The following TPTE2 variants were observed in gnomAD, a reference collection of about 807,000 sequenced individuals.
TPTE2 encodes the protein phosphatidylinositol 3,4,5-trisphosphate 3-phosphatase TPTE2.
A neutral mutation model predicts 78.6 loss-of-function variants in TPTE2; 53 were observed. The observed-to-expected ratio is 0.67, with a 90% CI of 0.54 to 0.85. The LOEUF (loss-of-function observed/expected upper bound fraction) is 0.85. TPTE2 is among the 40% of genes least tolerant of loss of function. TPTE2 has a pLI of 0.00. For missense variants in TPTE2, 461 were observed against 623.0 expected (o/e 0.74, Z 2.77); for synonymous variants, 175 against 206.2 (o/e 0.85, Z 1.30).
intron 15 of TPTE2, among the ~76,000 whole-genome samples, chr13:19,434,631 A>C (rs1261846737): frequency 1.3e-5 from 2 of 152,072 alleles, no homozygotes; most frequent in African/African-American, 4.8e-5. Context: ...GTGGGAGAAA[A>C]GTAGCAGTGG....
chr13:19,480,838 T>G (rs1880304168), intron 4 of TPTE2, among the ~76,000 whole-genome samples: 1 of 152,176 alleles, frequency 6.6e-6, no homozygotes, highest in Non-Finnish European at 1.5e-5. Context: ...GAATTTCCAC[T>G]TCTGAGAATT....
At chr13:19,461,096 T>C (rs1383143032) in intron 10 of TPTE2, among the ~76,000 whole-genome samples, 1 of 152,098 alleles carries the variant, frequency 6.6e-6, no homozygotes, top group East Asian at 1.9e-4. Flanking sequence ...AGAAGTAATA[T>C]ATAATTTTGA....
intron 13 of TPTE2, among the ~76,000 whole-genome samples, chr13:19,439,196 C>T (rs1877325987): frequency 6.6e-6 from 1 of 152,140 alleles, no homozygotes; most frequent in Non-Finnish European, 1.5e-5. Context: ...TTGCCTGGGG[C>T]AGCAGAGAGC....
intron 1 of TPTE2, among the ~76,000 whole-genome samples, chr13:19,515,848 T>C (rs1869759050): frequency 6.6e-6 from 1 of 152,196 alleles, no homozygotes; most frequent in Non-Finnish European, 1.5e-5. Flanking sequence ...CTGGAAGACA[T>C]TCAAATTACT....
intron 1 of TPTE2, among the ~76,000 whole-genome samples, chr13:19,502,178 G>T: frequency 1.0e-5 from 1 of 99,018 alleles, no homozygotes; most frequent in Non-Finnish European, 2.0e-5. Context: ...GGAGAAATAG[G>T]AACACTTTTA....
At chr13:19,506,516 T>C (rs919881495), upstream of TPTE2, among the ~76,000 whole-genome samples, 6 of 152,182 alleles carry the variant, frequency 3.9e-5, no homozygotes, top group African/African-American at 7.2e-5. Context: ...GGCTCTCTCA[T>C]AGGTTACTAC....
chr13:19,445,195 C>T (rs1467188645), intron 13 of TPTE2, among the ~76,000 whole-genome samples: 2 of 152,082 alleles, frequency 1.3e-5, no homozygotes, highest in South Asian at 2.1e-4. Flanking sequence ...TCTTGAAATA[C>T]ATTTATGACC....
In TPTE2 at chr13:19,535,220, A is replaced by AC. The variant is rs1295172391; in HGVS notation, c.-44+1375_-44+1376insG. 2.8e-4 allele frequency among the ~76,000 whole-genome samples: 2 copies of AC among 7,150 alleles called. No homozygotes were observed. The highest frequency in any genetic ancestry group is 6.3e-4 in the Non-Finnish European group (1 of 1,584). 4.7% of individuals were successfully genotyped at this position (7,150 alleles called of 152,430 possible). A position where few individuals can be genotyped will look rare whatever the true frequency, so the allele number is the denominator to read the frequency against. On this transcript the variant is annotated intron_variant, in intron 1 of 17. Coordinates refer to the TPTE2 transcript ENST00000390680. This position sits in a 1 kb window ranked among gnomAD's most constrained non-coding sequence, Gnocchi z 5.1. ...TCCTTCTCAAAAAAACAAACAAACA[A>AC]AAAAATATATATATATATATATTCT...
chr13:19,514,098 C>G (rs1002929571), intron 1 of TPTE2, among the ~76,000 whole-genome samples: 40 of 152,292 alleles, frequency 2.6e-4, no homozygotes, highest in African/African-American at 9.6e-4. Flanking sequence ...ATGCTACCAC[C>G]TTCTTTCTCC....
chr13:19,425,887 T>C, intron 18 of TPTE2: 1 of 514,414 alleles, frequency 1.9e-6, no homozygotes, highest in Admixed American at 2.0e-5. Context: ...TTGTGCTGCC[T>C]TCTCTGTTTC....
intron 10 of TPTE2, among the ~76,000 whole-genome samples, chr13:19,464,220 A>G (rs1312981060): frequency 6.6e-6 from 1 of 152,208 alleles, no homozygotes; most frequent in Non-Finnish European, 1.5e-5. Context: ...GCCCATACCA[A>G]ATTCACAAAC....
At chr13:19,468,684 C>T (rs983489468) in intron 6 of TPTE2, among the ~76,000 whole-genome samples, 2 of 152,116 alleles carry the variant, frequency 1.3e-5, no homozygotes, top group African/African-American at 4.8e-5. Context: ...TTTGTTATTG[C>T]CTGACTTTTG....
At chr13:19,453,017 TTTATG>T (rs1316059523) in intron 10 of TPTE2, among the ~76,000 whole-genome samples, 16 of 145,832 alleles carry the variant, frequency 1.1e-4, no homozygotes, top group Admixed American at 2.8e-4. Context: ...TTTATGTTAT[TTTATG>T]TTATTTTATT....
chr13:19,451,881 AGTT>A lies in TPTE2; in HGVS notation c.742-659_742-657del, dbSNP rs1177515435. Among the ~76,000 whole-genome samples, 5 of 151,200 alleles carry A rather than the reference AGTT, an allele frequency of 3.3e-5. No individual in the cohort carries two copies. In the East Asian group the frequency reaches 7.7e-4, roughly 23 times the overall value. On this transcript the variant is annotated intron_variant, in intron 10 of 19. Transcript: ENST00000400230. ...ACCTTTAAAATGAAAAACAAATAGTAGTTATTATTTAAAATACAATCAATACCA... is the reference window on the plus strand; with the variant it reads ...ACCTTTAAAATGAAAAACAAATAGTAATTATTTAAAATACAATCAATACCA...
chr13:19,503,578 T>C (rs1868770281), upstream of TPTE2, among the ~76,000 whole-genome samples: 1 of 63,666 alleles, frequency 1.6e-5, no homozygotes. Flanking sequence ...AAACTAAACT[T>C]TTGTGTGGAG....
chr13:19,548,567 T>G, the TPTE2 span, among the ~76,000 whole-genome samples: 130 of 151,614 alleles, frequency 8.6e-4, no homozygotes, highest in South Asian at 1.9e-3. Flanking sequence ...AAAGTGTGAT[T>G]AACATCCATC....
chr13:19,489,809 C>T (rs1880899229), intron 3 of TPTE2, among the ~76,000 whole-genome samples: 1 of 150,614 alleles, frequency 6.6e-6, no homozygotes, highest in Non-Finnish European at 1.5e-5. Context: ...AAATTAATAA[C>T]ATCAGTAGTT....
At chr13:19,509,290 T>C (rs1324927260) in intron 1 of TPTE2, among the ~76,000 whole-genome samples, 1 of 152,078 alleles carries the variant, frequency 6.6e-6, no homozygotes, top group Non-Finnish European at 1.5e-5. Context: ...TAAGCATAAG[T>C]CACTGAACTG....
chr13:19,433,855 A>G (rs1424109109), intron 15 of TPTE2, among the ~76,000 whole-genome samples: 1 of 152,240 alleles, frequency 6.6e-6, no homozygotes, highest in Non-Finnish European at 1.5e-5. Flanking sequence ...GTTCTGGACT[A>G]AAGTTAGGGA....
Sources: gnomAD v4.1 joint callset for allele counts (sites outside exome capture counted in the v4.1 genomes callset) on GRCh38, gnomAD v4.1.1 for gene constraint, Gnocchi (gnomAD v3.1) non-coding constraint, MANE v1.5 for transcripts, NCBI Gene and HGNC (gene_info 2026-07-23, HGNC 2026-07-21) for gene names.